NTN4: variants seen among roughly 807,000 people sequenced by gnomAD.
NTN4 encodes netrin-4.
Under a neutral mutation model 73.6 loss-of-function variants are expected in NTN4, and 32 were observed. That is an observed-to-expected ratio of 0.44 (90% CI 0.33 to 0.58). The LOEUF (loss-of-function observed/expected upper bound fraction) is 0.58, where lower values mean the gene tolerates loss of function less well. NTN4 is among the 20% of genes least tolerant of loss of function. The probability of loss-of-function intolerance (pLI) is 0.04; values close to 1 mark genes in which losing one functional copy is unlikely to be tolerated. For missense variants in NTN4, 654 were observed against 798.3 expected, an observed-to-expected ratio of 0.82 and a Z score of 2.18; for synonymous variants, 258 against 287.5, an observed-to-expected ratio of 0.90 and a Z score of 1.04.
chr12:95,737,948 C>A lies in NTN4; in HGVS notation c.782G>T (p.Ser261Ile). The change falls in exon 3 of 10, where the codon AGC becomes ATC. Residue 261 changes from serine (S) to isoleucine (I), a missense_variant. Transcript: ENST00000343702. ...YAIYDFIVKGSCFCNGHADQC... is the reference protein window; with the variant it reads ...YAIYDFIVKGICFCNGHADQC... Reference sequence around the variant, plus strand: ...ATCAGCGTGGCCATTGCAGAAGCAGCTGCCCTTGACAATGAAATCATAGAT... The same window carrying A: ...ATCAGCGTGGCCATTGCAGAAGCAGATGCCCTTGACAATGAAATCATAGAT... The A allele has an allele frequency of 6.2e-7, 1 of 1,614,098 alleles. No individual in the cohort carries two copies. Among genetic ancestry groups the A allele is most frequent in the Non-Finnish European group, 8.5e-7 (1 of 1,180,002 alleles).
chr12:95,767,687 T>C (rs2079029325), intron 2 of NTN4, among the ~76,000 whole-genome samples: 1 of 152,130 alleles, frequency 6.6e-6, no homozygotes, highest in Admixed American at 6.5e-5. Flanking sequence ...AAGGCACCCT[T>C]CCCAATCATT....
At chr12:95,759,439 A>G (rs2078969331) in intron 2 of NTN4, among the ~76,000 whole-genome samples, 1 of 151,152 alleles carries the variant, frequency 6.6e-6, no homozygotes, top group African/African-American at 2.4e-5. Flanking sequence ...CAAGTTCACC[A>G]AACTTTTCCT....
chr12:95,756,863 C>T (rs1303685361), intron 2 of NTN4, among the ~76,000 whole-genome samples: 1 of 151,938 alleles, frequency 6.6e-6, no homozygotes, highest in Non-Finnish European at 1.5e-5. Context: ...GGATCACTTG[C>T]CACACCTCTC....
intron 3 of NTN4, among the ~76,000 whole-genome samples, chr12:95,725,006 A>AGGATTT (rs1454896864): frequency 2.7e-4 from 37 of 135,846 alleles, no homozygotes; most frequent in Admixed American, 5.2e-4. Context: ...TGTCATCAGG[A>AGGATTT]TTTTTTTTTT....
chr12:95,702,842 G>T (rs1354141479), intron 5 of NTN4, among the ~76,000 whole-genome samples: 15 of 125,566 alleles, frequency 1.2e-4, no homozygotes, highest in African/African-American at 2.7e-4. Flanking sequence ...GTTTTCAATG[G>T]TTTTTTTTTT....
At chr12:95,727,325 A>C (rs898225470) in intron 3 of NTN4, among the ~76,000 whole-genome samples, 2 of 152,218 alleles carry the variant, frequency 1.3e-5, no homozygotes, top group Admixed American at 1.3e-4. Context: ...CATTCTGGAT[A>C]CCAGAACTTT....
chr12:95,771,222 C>A (rs2079057090), intron 2 of NTN4, among the ~76,000 whole-genome samples: 1 of 152,048 alleles, frequency 6.6e-6, no homozygotes, highest in African/African-American at 2.4e-5. Context: ...ATCTCCTGAC[C>A]TCGAGATCTG....
Position 95,789,076 on chromosome 12 carries a change from T to G in NTN4, c.55+1179A>C, listed in dbSNP as rs1224327352. 6.6e-6 allele frequency among the ~76,000 whole-genome samples: 1 copy of G among 152,172 alleles called. No individual in the cohort carries two copies. The highest frequency in any genetic ancestry group is 1.5e-5 in the Non-Finnish European group (1 of 68,042). On this transcript the variant is annotated intron_variant, in intron 1 of 9. Transcript: ENST00000343702. This position sits in a 1 kb window ranked among gnomAD's most constrained non-coding sequence, Gnocchi z 4.0. ...TCCCTGGGAAAAATATCCAATAATT[T>G]TAAATGCCCCTAAACTCCTAAGTCC... is the stretch of plus-strand genomic sequence containing the variant.
At chr12:95,719,276 G>A (rs975077549) in intron 3 of NTN4, among the ~76,000 whole-genome samples, 2 of 151,920 alleles carry the variant, frequency 1.3e-5, no homozygotes, top group Non-Finnish European at 2.9e-5. Flanking sequence ...AATTCCAATT[G>A]AAAATGAATA....
chr12:95,744,950 G>A (rs1334607802), intron 2 of NTN4, among the ~76,000 whole-genome samples: 1 of 146,808 alleles, frequency 6.8e-6, no homozygotes, highest in Non-Finnish European at 1.5e-5. Context: ...TTTTTCTTTC[G>A]GCACTTTAAA....
At chr12:95,693,556 G>A (rs575180898) in intron 5 of NTN4, among the ~76,000 whole-genome samples, 1 of 151,662 alleles carries the variant, frequency 6.6e-6, no homozygotes. Context: ...CATGGTGAAA[G>A]TCCGTCTCTA....
At chr12:95,771,011 A>G (rs1487033222) in intron 2 of NTN4, among the ~76,000 whole-genome samples, 2 of 87,036 alleles carry the variant, frequency 2.3e-5, no homozygotes, top group African/African-American at 1.3e-4. Flanking sequence ...TTTTTTTGAG[A>G]CAGAGTCTCG....
intron 8 of NTN4, 78 bp downstream of exon 8, chr12:95,670,000 A>T (rs2078215058): frequency 1.3e-6 from 1 of 741,960 alleles, no homozygotes; most frequent in Non-Finnish European, 2.3e-6. Context: ...GTCATCAGTC[A>T]GGCCTCCCAT....
chr12:95,668,148 T>G (rs539241253), intron 8 of NTN4, among the ~76,000 whole-genome samples: 13 of 151,918 alleles, frequency 8.6e-5, no homozygotes, highest in South Asian at 6.2e-4. Context: ...CAAGTGTTTT[T>G]TTTTTTTTTT....
chr12:95,734,235 T>C (rs528625417), intron 3 of NTN4, among the ~76,000 whole-genome samples: 1 of 152,282 alleles, frequency 6.6e-6, no homozygotes, highest in East Asian at 1.9e-4. Context: ...AAAATCAGGT[T>C]TCATTAATTA....
intron 4 of NTN4, among the ~76,000 whole-genome samples, chr12:95,711,598 T>C (rs557495936): frequency 6.6e-6 from 1 of 152,376 alleles, no homozygotes; most frequent in East Asian, 1.9e-4. Context: ...AAGTATATTC[T>C]TCAGCTGTTG....
At chr12:95,699,020 G>C (rs534201427) in intron 5 of NTN4, among the ~76,000 whole-genome samples, 13 of 112,916 alleles carry the variant, frequency 1.2e-4, no homozygotes, top group African/African-American at 3.9e-4. Context: ...TTTACTTCTT[G>C]GATTAAAAAA....
At chr12:95,742,039 G>A (rs865987075) in intron 2 of NTN4, among the ~76,000 whole-genome samples, 21 of 152,090 alleles carry the variant, frequency 1.4e-4, no homozygotes, top group Admixed American at 2.6e-4. Flanking sequence ...TCTAAGCCTC[G>A]AATCCCTTGA....
chr12:95,666,411 C>T (rs570363700), intron 8 of NTN4, among the ~76,000 whole-genome samples: 1 of 152,224 alleles, frequency 6.6e-6, no homozygotes, highest in East Asian at 1.9e-4. Flanking sequence ...TCCCCCAAAA[C>T]TATTGAAATA....
Sources: gnomAD v4.1 joint callset for allele counts (sites outside exome capture counted in the v4.1 genomes callset) on GRCh38, gnomAD v4.1.1 for gene constraint, Gnocchi (gnomAD v3.1) non-coding constraint, MANE v1.5 for transcripts, NCBI Gene and HGNC (gene_info 2026-07-23, HGNC 2026-07-21) for gene names.